Variants in PIWIL3 observed in about 807,000 individuals in gnomAD.
The protein encoded by PIWIL3 is piwi-like protein 3.
In PIWIL3, 101 loss-of-function variants were observed where a neutral mutation model predicts 109.7. The observed-to-expected ratio is 0.92, with a 90% CI of 0.78 to 1.09. PIWIL3 has a LOEUF of 1.09. Ranked by LOEUF, PIWIL3 falls within the 50% of genes least tolerant of loss-of-function variation. The pLI is 0.00. For missense variants in PIWIL3, 1,031 were observed against 1,072.6 expected (o/e 0.96, Z 0.54); for synonymous variants, 373 against 376.4 (o/e 0.99, Z 0.10).
At chr22:24,763,967 C>G (rs1925620391) in intron 1 of PIWIL3, among the ~76,000 whole-genome samples, 1 of 152,228 alleles carries the variant, frequency 6.6e-6, no homozygotes, top group African/African-American at 2.4e-5. Flanking sequence ...GCGCTGATCT[C>G]CGCGGGGTCA....
At chr22:24,752,330 C>T (rs1467365946) in intron 8 of PIWIL3, among the ~76,000 whole-genome samples, 1 of 152,098 alleles carries the variant, frequency 6.6e-6, no homozygotes, top group African/African-American at 2.4e-5. Context: ...TGGAGGTTCT[C>T]TTCCCTTCTC....
At chr22:24,747,322 CAT>C (rs1307322004) in intron 12 of PIWIL3, among the ~76,000 whole-genome samples, 1 of 152,092 alleles carries the variant, frequency 6.6e-6, no homozygotes, top group African/African-American at 2.4e-5. Flanking sequence ...GGCTTGAAGA[CAT>C]AAATCCAAGA....
intron 8 of PIWIL3, 140 bp from the exon 9 acceptor site, chr22:24,751,638 A>C: frequency 7.2e-7 from 1 of 1,383,728 alleles, no homozygotes; most frequent in South Asian, 1.5e-5. Flanking sequence ...ATACTGTACA[A>C]CTCACCCATC....
At chr22:24,728,446 G>T in intron 14 of PIWIL3, 72 bp from the exon 15 acceptor site, 1 of 1,578,042 alleles carries the variant, frequency 6.3e-7, no homozygotes, top group Non-Finnish European at 8.7e-7. Context: ...ACCATCTGGA[G>T]CAGGCAACTT....
At chr22:24,751,208 G>T (rs1924690572) in intron 9 of PIWIL3, among the ~76,000 whole-genome samples, 179 bp downstream of exon 9, 1 of 152,046 alleles carries the variant, frequency 6.6e-6, no homozygotes, top group Non-Finnish European at 1.5e-5. Context: ...CTAGTTATGT[G>T]ACATTACCCT....
chr22:24,748,772 G>T, intron 12 of PIWIL3, 135 bp downstream of exon 12: 1 of 630,142 alleles, frequency 1.6e-6, no homozygotes, highest in Non-Finnish European at 2.7e-6. Flanking sequence ...GTTTCTTATT[G>T]GCTCAATATA....
In PIWIL3 at chr22:24,730,540, T is replaced by C. The variant is rs997477178; in HGVS notation, c.1708-2166A>G. Among the ~76,000 whole-genome samples, 3 of 152,046 alleles carry C rather than the reference T, an allele frequency of 2.0e-5. No homozygotes were observed. The East Asian group carries it at 5.8e-4, about 29-fold the overall frequency. ...CTGCCATGAATTACAATCATATGCATATGGTGAAGGAGAAAAAGAATAATT... is the reference window on the plus strand; with the variant it reads ...CTGCCATGAATTACAATCATATGCACATGGTGAAGGAGAAAAAGAATAATT... On this transcript the variant is annotated intron_variant, in intron 14 of 20. Transcript: ENST00000616349.
intron 1 of PIWIL3, among the ~76,000 whole-genome samples, chr22:24,764,142 C>T (rs899434216): frequency 6.6e-6 from 1 of 152,220 alleles, no homozygotes; most frequent in Non-Finnish European, 1.5e-5. Context: ...GCCCCCGCCC[C>T]AATTCAATTT....
chr22:24,740,291 G>A (rs999940499), intron 12 of PIWIL3, among the ~76,000 whole-genome samples: 3 of 149,866 alleles, frequency 2.0e-5, no homozygotes, highest in Admixed American at 1.3e-4. Flanking sequence ...GCCCACTCCT[G>A]TAATCCCAGC....
chr22:24,763,735 C>T (rs893681346), intron 1 of PIWIL3, among the ~76,000 whole-genome samples: 6 of 152,096 alleles, frequency 3.9e-5, no homozygotes, highest in African/African-American at 1.4e-4. Flanking sequence ...TCCCCACAAG[C>T]ACAGCAAGGA....
intron 4 of PIWIL3, 126 bp from the exon 5 acceptor site, chr22:24,756,831 GC>G: frequency 3.7e-6 from 3 of 806,842 alleles, no homozygotes; most frequent in Non-Finnish European, 5.8e-6. Flanking sequence ...TCTAATCCCA[GC>G]ACTCTGGGAG....
At chr22:24,754,396 GT>G (rs1393163941) in intron 7 of PIWIL3, among the ~76,000 whole-genome samples, 179 bp from the exon 8 acceptor site, 1 of 152,116 alleles carries the variant, frequency 6.6e-6, no homozygotes, top group African/African-American at 2.4e-5. Flanking sequence ...GTTCAACTAT[GT>G]TTTGTCACCC....
intron 1 of PIWIL3, among the ~76,000 whole-genome samples, chr22:24,764,867 C>T (rs190149110): frequency 2.4e-3 from 359 of 152,230 alleles, no homozygotes; most frequent in African/African-American, 8.5e-3. Context: ...TAGCCAGTCT[C>T]AAGGGGCAGG....
chr22:24,720,951 G>A (rs980397986), intron 19 of PIWIL3, among the ~76,000 whole-genome samples: 10 of 152,104 alleles, frequency 6.6e-5, no homozygotes, highest in African/African-American at 1.9e-4. Context: ...TTTAGGTCTT[G>A]TTTTAATATA....
chr22:24,725,387 C>A, intron 17 of PIWIL3, 58 bp downstream of exon 17: 1 of 1,589,436 alleles, frequency 6.3e-7, no homozygotes, highest in Non-Finnish European at 8.6e-7. Flanking sequence ...GCAGTAAGTC[C>A]ATTGGTGGAG....
At chr22:24,755,687 A>G (rs994628628) in intron 6 of PIWIL3, 97 bp downstream of exon 6, 15 of 1,476,370 alleles carry the variant, frequency 1.0e-5, no homozygotes, top group Non-Finnish European at 1.4e-5. Context: ...AGGACTAGGA[A>G]GAACACTAAG....
intron 12 of PIWIL3, among the ~76,000 whole-genome samples, chr22:24,743,117 T>A (rs1239278853): frequency 1.3e-5 from 2 of 151,764 alleles, no homozygotes; most frequent in African/African-American, 4.8e-5. Context: ...ATGGCCAACA[T>A]GAAAACATGT....
Position 24,724,945 on chromosome 22 carries a change from A to G in PIWIL3, c.2173T>C (p.Leu725=), listed in dbSNP as rs772003445. The G allele has an allele frequency of 8.7e-6, 14 of 1,614,010 alleles. 1 individual carries two copies. The South Asian group carries it at 1.1e-4, about 13-fold the overall frequency. ...DGVGDGQLQA[L]LDHEAKKMST... is the part of the protein sequence containing the mutation. ...ATCTTTTTCGCTTCATGGTCAAGCA[A>G]TGCTTGAAGCTGACCATCTCCCACT... is the stretch of plus-strand genomic sequence containing the variant. The change falls in exon 18 of 21, where the codon TTG becomes CTG. Residue 725 remains leucine, a synonymous_variant. Coordinates refer to ENST00000616349, the MANE Select transcript of PIWIL3 (RefSeq NM_001255975.1).
intron 1 of PIWIL3, among the ~76,000 whole-genome samples, chr22:24,763,792 C>T (rs1224673692): frequency 6.7e-6 from 1 of 148,702 alleles, no homozygotes; most frequent in Non-Finnish European, 1.5e-5. Flanking sequence ...AACCTCAGCT[C>T]CCGCATCCTG....
Sources: allele counts gnomAD v4.1 joint callset (sites outside exome capture counted in the v4.1 genomes callset), GRCh38; gene constraint gnomAD v4.1.1; transcripts MANE v1.5; gene names NCBI Gene and HGNC (gene_info 2026-07-23, HGNC 2026-07-21).